Variants in MYRIP observed in about 807,000 individuals in gnomAD.
MYRIP encodes the protein rab effector MyRIP.
A neutral mutation model predicts 98.0 loss-of-function variants in MYRIP; 49 were observed. That is an observed-to-expected ratio of 0.50 (90% CI 0.40 to 0.63). MYRIP has a LOEUF of 0.63. Ranked by LOEUF, MYRIP falls within the 30% of genes least tolerant of loss-of-function variation. MYRIP has a pLI of 0.00. For synonymous variants in MYRIP, 404 were observed against 409.5 expected (o/e 0.99, Z 0.16); for missense variants, 1,004 against 1,058.2 (o/e 0.95, Z 0.71).
chr3:39,896,955 G>T (rs1181545213), intron 1 of MYRIP, among the ~76,000 whole-genome samples: 1 of 151,950 alleles, frequency 6.6e-6, no homozygotes, highest in Non-Finnish European at 1.5e-5. Flanking sequence ...GAATAACATA[G>T]ACAATTCTGC....
At position 40,250,383 on chromosome 3, in the gene MYRIP, A is replaced by C; in HGVS notation, c.2368-56A>C. On this transcript the variant is annotated intron_variant, in intron 14 of 16. Coordinates refer to ENST00000302541, the MANE Select transcript of MYRIP (RefSeq NM_015460.4). ...TGTTACATGGCTTGGAAAATTTAGA[A>C]GACAAAATATCTTTGGCTCTGCAAA... is the stretch of plus-strand genomic sequence containing the variant. 1.9e-6 allele frequency: 3 copies of C among 1,613,406 alleles called. No individual in the cohort carries two copies. In the South Asian group the frequency reaches 3.3e-5, roughly 18 times the overall value.
intron 3 of MYRIP, among the ~76,000 whole-genome samples, chr3:40,097,118 G>T (rs1948848810): frequency 6.6e-6 from 1 of 152,180 alleles, no homozygotes; most frequent in African/African-American, 2.4e-5. Context: ...AAGCTTATGG[G>T]AATAGGAAAC....
intron 5 of MYRIP, among the ~76,000 whole-genome samples, chr3:40,164,443 C>G (rs891358831): frequency 6.6e-6 from 1 of 152,196 alleles, no homozygotes; most frequent in Non-Finnish European, 1.5e-5. Context: ...CTGAATTTCT[C>G]CTCTAGGAAA....
intron 2 of MYRIP, among the ~76,000 whole-genome samples, chr3:39,917,954 C>T (rs1252725537): frequency 1.3e-5 from 2 of 148,276 alleles, no homozygotes; most frequent in Non-Finnish European, 3.0e-5. Context: ...GACGGAGTCT[C>T]GCTGCTCTGT....
chr3:39,983,293 C>G (rs561120091), intron 2 of MYRIP, among the ~76,000 whole-genome samples: 3 of 152,202 alleles, frequency 2.0e-5, no homozygotes, highest in African/African-American at 7.2e-5. Flanking sequence ...GAAAGCAAAT[C>G]TAAAACAACA....
Position 39,960,072 on chromosome 3 carries a change from G to A in MYRIP, c.110+59146G>A, listed in dbSNP as rs775761120. ...AATCTTAAGGAAGGCCTTTCTCCTGGTTCTGGCATTATCCCTGGGAATGAG... is the reference window on the plus strand; with the variant it reads ...AATCTTAAGGAAGGCCTTTCTCCTGATTCTGGCATTATCCCTGGGAATGAG... On this transcript the variant is annotated intron_variant, in intron 2 of 16. Transcript: ENST00000302541. 5.4e-4 allele frequency among the ~76,000 whole-genome samples: 82 copies of A among 152,052 alleles called. 1 individual carries two copies. The highest frequency in any genetic ancestry group is 1.6e-4 in the Non-Finnish European group (11 of 68,008).
intron 1 of MYRIP, among the ~76,000 whole-genome samples, chr3:39,820,923 C>T (rs1941083397): frequency 6.6e-6 from 1 of 152,082 alleles, no homozygotes; most frequent in Non-Finnish European, 1.5e-5. Flanking sequence ...TTCCCACTCC[C>T]CCTGCCACCA....
At chr3:40,227,900 A>G (rs1361306082) in intron 11 of MYRIP, among the ~76,000 whole-genome samples, 6 of 152,228 alleles carry the variant, frequency 3.9e-5, no homozygotes, top group South Asian at 2.1e-4. Context: ...CCATTTTACA[A>G]TGGAGGTGCA....
chr3:39,913,431 A>G (rs530151618), intron 2 of MYRIP, among the ~76,000 whole-genome samples: 1 of 152,278 alleles, frequency 6.6e-6, no homozygotes, highest in South Asian at 2.1e-4. Context: ...ATCCACCTAA[A>G]CAGTATATTG....
intron 2 of MYRIP, among the ~76,000 whole-genome samples, chr3:39,927,186 A>G (rs1443308652): frequency 6.6e-6 from 1 of 151,938 alleles, no homozygotes; most frequent in East Asian, 1.9e-4. Flanking sequence ...GTATCCTGAA[A>G]CTTTCCTGAA....
chr3:40,143,289 C>T (rs949090951), intron 3 of MYRIP, among the ~76,000 whole-genome samples: 10 of 152,138 alleles, frequency 6.6e-5, no homozygotes, highest in Admixed American at 6.5e-5. Context: ...AGCAGGATGC[C>T]GACACAAAGG....
intron 2 of MYRIP, among the ~76,000 whole-genome samples, chr3:39,934,700 T>A (rs904601375): frequency 2.0e-5 from 3 of 152,212 alleles, no homozygotes; most frequent in African/African-American, 7.2e-5. Context: ...AGTGACTGAC[T>A]TATTCTTTCT....
At chr3:39,913,906 C>A (rs1944087580) in intron 2 of MYRIP, among the ~76,000 whole-genome samples, 1 of 152,220 alleles carries the variant, frequency 6.6e-6, no homozygotes, top group African/African-American at 2.4e-5. Context: ...TGAATTCACA[C>A]CACACTCAAC....
At chr3:39,879,573 A>G (rs1559507099) in intron 1 of MYRIP, among the ~76,000 whole-genome samples, 1 of 152,160 alleles carries the variant, frequency 6.6e-6, no homozygotes, top group Non-Finnish European at 1.5e-5. Context: ...GAGCTCTTTC[A>G]GATTTTGTCG....
chr3:39,963,075 G>A (rs778227099), intron 2 of MYRIP, among the ~76,000 whole-genome samples: 3 of 152,194 alleles, frequency 2.0e-5, no homozygotes, highest in East Asian at 1.9e-4. Context: ...TTATAGAAAC[G>A]TAAACAGAAA....
At chr3:40,253,670 C>T (rs950695560) in intron 16 of MYRIP, among the ~76,000 whole-genome samples, 6 of 152,176 alleles carry the variant, frequency 3.9e-5, no homozygotes, top group African/African-American at 7.2e-5. Flanking sequence ...GGGATAGCAG[C>T]GCAATCCCAT....
intron 2 of MYRIP, among the ~76,000 whole-genome samples, chr3:40,014,752 A>T (rs1946824846): frequency 6.6e-6 from 1 of 152,238 alleles, no homozygotes; most frequent in Non-Finnish European, 1.5e-5. Context: ...AACTTGTCCC[A>T]GTTACATACA....
intron 3 of MYRIP, among the ~76,000 whole-genome samples, chr3:40,060,673 C>T (rs937207086): frequency 6.7e-6 from 1 of 148,702 alleles, no homozygotes; most frequent in African/African-American, 2.5e-5. Context: ...CTCACTGCAA[C>T]CTCCACCTCC....
intron 8 of MYRIP, among the ~76,000 whole-genome samples, chr3:40,171,953 T>C (rs996006747): frequency 5.0e-4 from 76 of 152,218 alleles, no homozygotes; most frequent in African/African-American, 1.7e-3. Flanking sequence ...ACATCTTAAG[T>C]AGTGGCAGGC....
Sources: gnomAD v4.1 joint callset for allele counts (sites outside exome capture counted in the v4.1 genomes callset) on GRCh38, gnomAD v4.1.1 for gene constraint, MANE v1.5 for transcripts, NCBI Gene and HGNC (gene_info 2026-07-23, HGNC 2026-07-21) for gene names.